The following GNG12 variants were observed in gnomAD, a reference collection of about 807,000 sequenced individuals.
GNG12 encodes the protein guanine nucleotide-binding protein G(I)/G(S)/G(O) subunit gamma-12.
For synonymous variants in GNG12, 28 were observed against 29.7 expected (o/e 0.94, Z 0.19); for missense variants, 69 against 83.8 (o/e 0.82, Z 0.69).
At chr1:67,820,395 AG>A (rs201549122) in intron 1 of GNG12, among the ~76,000 whole-genome samples, 32,653 of 149,690 alleles carry the variant, frequency 0.22, 3,901 homozygotes, top group East Asian at 0.36. Flanking sequence ...AAAAAAAAAA[AG>A]ATCAACTTGG....
At chr1:67,816,553 C>G (rs543868692) in intron 1 of GNG12, among the ~76,000 whole-genome samples, 1 of 152,278 alleles carries the variant, frequency 6.6e-6, no homozygotes, top group Admixed American at 6.5e-5. Flanking sequence ...CCAGCTCAAG[C>G]CAGCTGGAGA....
intron 2 of GNG12, among the ~76,000 whole-genome samples, chr1:67,755,016 G>C (rs763024341): frequency 6.6e-6 from 1 of 152,270 alleles, no homozygotes; most frequent in Non-Finnish European, 1.5e-5. Context: ...TCTGACCAGT[G>C]AGACATGAGG....
chr1:67,819,229 A>AG (rs1646972145), intron 1 of GNG12, among the ~76,000 whole-genome samples: 2 of 152,222 alleles, frequency 1.3e-5, no homozygotes, highest in South Asian at 4.2e-4. Context: ...TGATGACTCA[A>AG]GGGTTCAGAG....
intron 1 of GNG12, among the ~76,000 whole-genome samples, chr1:67,830,156 C>T (rs1647035044): frequency 6.6e-6 from 1 of 152,152 alleles, no homozygotes; most frequent in Non-Finnish European, 1.5e-5. Flanking sequence ...CAGGCATGCG[C>T]CATCACGCCT....
At chr1:67,748,493 G>T (rs1220343781) in intron 2 of GNG12, among the ~76,000 whole-genome samples, 2 of 152,156 alleles carry the variant, frequency 1.3e-5, no homozygotes, top group Admixed American at 6.5e-5. Flanking sequence ...TAGCAAGAAG[G>T]GCACAAAAAA....
chr1:67,777,376 G>A (rs1325268832), intron 2 of GNG12, 82 bp downstream of exon 2: 2 of 179,734 alleles, frequency 1.1e-5, no homozygotes, highest in Non-Finnish European at 2.1e-5. Flanking sequence ...GCACTGGTAG[G>A]GAAGCATCTA....
At chr1:67,798,115 G>T (rs1646842788) in intron 1 of GNG12, among the ~76,000 whole-genome samples, 1 of 152,054 alleles carries the variant, frequency 6.6e-6, no homozygotes, top group South Asian at 2.1e-4. Context: ...TACACCAAGG[G>T]TCCCCAACTC....
chr1:67,705,827 C>T (rs977683459), intron 3 of GNG12, among the ~76,000 whole-genome samples: 1 of 152,160 alleles, frequency 6.6e-6, no homozygotes, highest in Non-Finnish European at 1.5e-5. Flanking sequence ...CACCATGTAT[C>T]CCTTCATGGG....
At chr1:67,782,099 T>C (rs540282819) in intron 1 of GNG12, among the ~76,000 whole-genome samples, 1 of 152,170 alleles carries the variant, frequency 6.6e-6, no homozygotes, top group Non-Finnish European at 1.5e-5. Flanking sequence ...GATATGATGT[T>C]ATCTCAAAAG....
intron 1 of GNG12, among the ~76,000 whole-genome samples, chr1:67,804,293 C>G (rs978984618): frequency 6.6e-6 from 1 of 152,170 alleles, no homozygotes; most frequent in African/African-American, 2.4e-5. Flanking sequence ...GAAAAGGCAA[C>G]CAAAGTGCTT....
In GNG12 at chr1:67,803,364, A is replaced by T. The variant is rs147021174; in HGVS notation, c.-76-25857T>A. ...CCTCATCTCTATAAATTAAAAAAAA[A>T]ATTTTTTTTAAGTTAATTTATCTTA... On this transcript the variant is annotated intron_variant, in intron 1 of 3. Transcript: ENST00000370982. Among the ~76,000 whole-genome samples, 187 of 151,994 alleles carry T rather than the reference A, an allele frequency of 1.2e-3. 4 individuals carry two copies. In the East Asian group the frequency reaches 0.032, roughly 26 times the overall value.
chr1:67,814,914 G>A (rs1057007590), intron 1 of GNG12, among the ~76,000 whole-genome samples: 1 of 152,120 alleles, frequency 6.6e-6, no homozygotes, highest in African/African-American at 2.4e-5. Flanking sequence ...TGTAATGCCA[G>A]GTCAACAACA....
intron 2 of GNG12, among the ~76,000 whole-genome samples, chr1:67,729,640 G>A (rs1646407737): frequency 6.6e-6 from 1 of 152,124 alleles, no homozygotes; most frequent in African/African-American, 2.4e-5. Context: ...TCTATTCTAA[G>A]GCTTTTAATC....
At chr1:67,707,889 T>C (rs1570472616) in intron 2 of GNG12, among the ~76,000 whole-genome samples, 177 bp from the exon 3 acceptor site, 1 of 152,234 alleles carries the variant, frequency 6.6e-6, no homozygotes, top group African/African-American at 2.4e-5. Flanking sequence ...TATCTAAGTT[T>C]GTCATCCATT....
At position 67,705,334 on chromosome 1, in the gene GNG12, C is replaced by G; in HGVS notation, c.*117G>C. On this transcript the variant is annotated 3_prime_UTR_variant, in exon 4 of 4. Coordinates refer to ENST00000370982, the MANE Select transcript of GNG12 (RefSeq NM_018841.6). ...AGACTTCAGAGTCCATTATTCCAAG[C>G]TGAGAACATTTTAGTTATTAGCAGT... 6.8e-7 allele frequency: 1 copy of G among 1,467,366 alleles called. No homozygotes were observed. The highest frequency in any genetic ancestry group is 9.1e-7 in the Non-Finnish European group (1 of 1,104,674). 90.9% of individuals were successfully genotyped at this position (1,467,366 alleles called of 1,614,324 possible).
rs751759729 is a variant in GNG12 at position 67,705,589 on chromosome 1, T to C, written c.94-13A>G. 1.3e-6 allele frequency: 2 copies of C among 1,596,008 alleles called. No homozygotes were observed. The highest frequency in any genetic ancestry group is 2.2e-5 in the East Asian group (1 of 44,578). ...ATGCCTTCGAAACCTGACATGGAGA[T>C]AAATCAAACAAACAAGAAAGAAAAT... On this transcript the variant is annotated splice_polypyrimidine_tract_variant and intron_variant, in intron 3 of 3. Coordinates refer to ENST00000370982, the MANE Select transcript of GNG12 (RefSeq NM_018841.6).
chr1:67,793,986 G>A (rs1307269128), intron 1 of GNG12, among the ~76,000 whole-genome samples: 2 of 152,208 alleles, frequency 1.3e-5, no homozygotes, highest in East Asian at 3.9e-4. Context: ...AAACGGAGGA[G>A]GGGGGATAAA....
chr1:67,758,571 A>C (rs1246131265), intron 2 of GNG12, among the ~76,000 whole-genome samples: 2 of 152,174 alleles, frequency 1.3e-5, no homozygotes, highest in East Asian at 1.9e-4. Flanking sequence ...TGGAGCACAC[A>C]TTGATAGTAC....
At position 67,812,644 on chromosome 1, in the gene GNG12, G is replaced by A. The variant is rs1018257857; in HGVS notation, c.-77+20700C>T. Among the ~76,000 whole-genome samples the A allele has an allele frequency of 9.9e-5, 15 of 152,192 alleles. 1 individual carries two copies. The highest frequency in any genetic ancestry group is 9.8e-4 in the Admixed American group (15 of 15,282). ...ATTCGAAAAGAAGGCCTCTCACTTG[G>A]TGAGAATGAGGTAGGAGATAAGGAT... On this transcript the variant is annotated intron_variant, in intron 1 of 3. Coordinates refer to ENST00000370982, the MANE Select transcript of GNG12 (RefSeq NM_018841.6).
Sources: gnomAD v4.1 joint callset for allele counts (sites outside exome capture counted in the v4.1 genomes callset) on GRCh38, gnomAD v4.1.1 for gene constraint, MANE v1.5 for transcripts, NCBI Gene and HGNC (gene_info 2026-07-23, HGNC 2026-07-21) for gene names.